PLCG1: variants seen among roughly 807,000 people sequenced by gnomAD.
The protein encoded by PLCG1 is 1-phosphatidylinositol 4,5-bisphosphate phosphodiesterase gamma-1.
PLCG1 carries 71 observed loss-of-function variants against 177.8 expected under a neutral mutation model. That is an observed-to-expected ratio of 0.40 (90% CI 0.33 to 0.49). The LOEUF (loss-of-function observed/expected upper bound fraction) is 0.49, where lower values mean the gene tolerates loss of function less well. PLCG1 is among the 20% of genes least tolerant of loss of function. The pLI is 0.72. For missense variants in PLCG1, 1,281 were observed against 1,709.0 expected, an observed-to-expected ratio of 0.75 and a Z score of 4.42; for synonymous variants, 658 against 647.9, an observed-to-expected ratio of 1.02 and a Z score of -0.24.
At position 41,164,516 on chromosome 20, in the gene PLCG1, C is replaced by T. The variant is rs776458057; in HGVS notation, c.1217+315C>T. On this transcript the variant is annotated intron_variant, in intron 12 of 31. Transcript: ENST00000685551. The surrounding 1 kb of genome is among the most constrained non-coding windows in gnomAD (Gnocchi z 6.4). The stretch of plus-strand genomic sequence containing the variant: ...GCCAGTGTCCTGCCAACTCCTTTGC[C>T]CTCACAGCCCAGAAGATTGTCTCTG... 1.3e-5 allele frequency among the ~76,000 whole-genome samples: 2 copies of T among 152,088 alleles called. No homozygotes were observed. The highest frequency in any genetic ancestry group is 2.4e-5 in the African/African-American group (1 of 41,396).
At chr20:41,142,137 A>C (rs182383224) in intron 1 of PLCG1, among the ~76,000 whole-genome samples, 2 of 152,378 alleles carry the variant, frequency 1.3e-5, no homozygotes, top group African/African-American at 4.8e-5. Context: ...ACATACCATA[A>C]TATAAAGGCC....
chr20:41,167,918 C>T lies in PLCG1; in HGVS notation c.2368C>T (p.Pro790Ser). The T allele has an allele frequency of 6.2e-7, 1 of 1,612,708 alleles. No homozygotes were observed. Among genetic ancestry groups the T allele is most frequent in the Non-Finnish European group, 8.5e-7 (1 of 1,178,862 alleles). The part of the protein sequence containing the change: ...PGFYVEANPM[P>S]TFKCAVKALF... ...CTTCTATGTAGAGGCAAACCCTATG[C>T]CAACTTTCAAGGTACAGCTCAGGCC... The change falls in exon 20 of 32, where the codon CCA becomes TCA. Residue 790 changes from proline (P) to serine (S), a missense_variant. Pro to Ser is a moderately conservative substitution (Grantham distance 74). This residue lies in a region of PLCG1 where 723 missense variants were observed against 1,030.0 expected (regional missense o/e 0.70). Coordinates refer to ENST00000685551, the MANE Select transcript of PLCG1 (RefSeq NM_002660.3). The surrounding 1 kb of genome is among the most constrained non-coding windows in gnomAD (Gnocchi z 4.4).
Position 41,166,880 on chromosome 20 carries a change from G to T in PLCG1, c.2301+21G>T, listed in dbSNP as rs373581988. 13 of 1,609,682 alleles carry T rather than the reference G, an allele frequency of 8.1e-6. No homozygotes were observed. The highest frequency in any genetic ancestry group is 1.1e-5 in the Non-Finnish European group (13 of 1,176,208). ...CAGCTGTGAGGGGGCTGTGGTAGAC[G>T]GGGCATGGCAGGGGAGGCAGGAGAG... On this transcript the variant is annotated intron_variant, in intron 19 of 31. Transcript: ENST00000685551. This position sits in a 1 kb window ranked among gnomAD's most constrained non-coding sequence, Gnocchi z 8.6.
At chr20:41,145,557 C>T (rs1041207707) in intron 1 of PLCG1, among the ~76,000 whole-genome samples, 3 of 152,202 alleles carry the variant, frequency 2.0e-5, no homozygotes, top group African/African-American at 7.2e-5. Context: ...ACAGTATCCT[C>T]CTGCTGCCCA....
rs1057269863 is a variant in PLCG1, at chr20:41,167,459, G to A, written c.2302-393G>A. Among the ~76,000 whole-genome samples, 6 of 152,100 alleles carry A rather than the reference G, an allele frequency of 3.9e-5. No homozygotes were observed. Among genetic ancestry groups the A allele is most frequent in the Admixed American group, 6.5e-5 (1 of 15,280 alleles). On this transcript the variant is annotated intron_variant, in intron 19 of 31. Transcript: ENST00000685551. The surrounding 1 kb of genome is among the most constrained non-coding windows in gnomAD (Gnocchi z 4.4). ...TGGGACTCAAGTGATGGAGAGGAGC[G>A]GCAGGAGGAATGTGGGGAGTGGGAA... is the stretch of plus-strand genomic sequence containing the variant.
intron 24 of PLCG1, among the ~76,000 whole-genome samples, chr20:41,171,586 CAAAAAAA>C (rs71844995): frequency 8.7e-4 from 56 of 64,096 alleles, no homozygotes; most frequent in Non-Finnish European, 1.4e-3. Context: ...GACTCTGTCT[CAAAAAAA>C]AAAAAAAAAA....
intron 1 of PLCG1, among the ~76,000 whole-genome samples, chr20:41,140,190 T>G (rs1764926421): frequency 6.6e-6 from 1 of 152,140 alleles, no homozygotes; most frequent in Non-Finnish European, 1.5e-5. Flanking sequence ...AGGCAGAGGA[T>G]GTAGGAGGAC....
chr20:41,148,199 A>G lies in PLCG1; in HGVS notation c.217+10341A>G, dbSNP rs1298746450. On this transcript the variant is annotated intron_variant, in intron 1 of 31. Transcript: ENST00000685551. The surrounding 1 kb of genome is among the most constrained non-coding windows in gnomAD (Gnocchi z 4.3). ...TGTTGGAGGCTTAAGGACTAAACCA[A>G]CATTTACTGTCCAAGAGGTGGCAGT... 6.6e-6 allele frequency among the ~76,000 whole-genome samples: 1 copy of G among 152,204 alleles called. No homozygotes were observed. The highest frequency in any genetic ancestry group is 1.5e-5 in the Non-Finnish European group (1 of 68,034).
intron 1 of PLCG1, among the ~76,000 whole-genome samples, chr20:41,155,384 C>T (rs1344455051): frequency 4.6e-5 from 7 of 152,198 alleles, no homozygotes; most frequent in Non-Finnish European, 1.0e-4. Context: ...TTACGATGAA[C>T]CAGAGAGGAC....
At position 41,172,999 on chromosome 20, in the gene PLCG1, C is replaced by T; in HGVS notation, c.3279+122C>T. 2 of 1,005,032 alleles carry T rather than the reference C, an allele frequency of 2.0e-6. No homozygotes were observed. Among genetic ancestry groups the T allele is most frequent in the Non-Finnish European group, 2.9e-6 (2 of 688,986 alleles). The allele number at this position is 1,005,032 out of a possible 1,614,324, so 62.3% of individuals were successfully genotyped here. ...ATCAAGGTGGTCAGGGTGGGTGGGG[C>T]CTGAGCTGAGTCTTTGAAGGGGTGA... is the stretch of plus-strand genomic sequence containing the variant. On this transcript the variant is annotated intron_variant, in intron 27 of 31. Transcript: ENST00000685551. This position sits in a 1 kb window ranked among gnomAD's most constrained non-coding sequence, Gnocchi z 7.0.
At chr20:41,155,032 C>G (rs1263519154) in intron 1 of PLCG1, among the ~76,000 whole-genome samples, 1 of 152,232 alleles carries the variant, frequency 6.6e-6, no homozygotes, top group Non-Finnish European at 1.5e-5. Context: ...TCTCTAATCT[C>G]TGTGGTCTCA....
intron 1 of PLCG1, among the ~76,000 whole-genome samples, chr20:41,149,003 T>C (rs2035082096): frequency 6.6e-6 from 1 of 152,230 alleles, no homozygotes; most frequent in Non-Finnish European, 1.5e-5. Flanking sequence ...TAGTGTTATT[T>C]GCAAGTATAA....
rs900392645 is a variant in PLCG1 at position 41,166,125 on chromosome 20, G to T, written c.1800-69G>T. 6 of 1,355,260 alleles carry T rather than the reference G, an allele frequency of 4.4e-6. No homozygotes were observed. Among genetic ancestry groups the T allele is most frequent in the Non-Finnish European group, 4.2e-6 (4 of 961,066 alleles). The allele number at this position is 1,355,260 out of a possible 1,614,324, so 84.0% of individuals were successfully genotyped here. A position where few individuals can be genotyped will look rare whatever the true frequency, so the allele number is the denominator to read the frequency against. On this transcript the variant is annotated intron_variant, in intron 16 of 31. Transcript: ENST00000685551. The surrounding 1 kb of genome is among the most constrained non-coding windows in gnomAD (Gnocchi z 8.6). ...CCCTCCTTGAGTTCCACCCTCATTT[G>T]GGGTGGAACTTGGTCTTTGGGGCCC...
intron 1 of PLCG1, among the ~76,000 whole-genome samples, chr20:41,139,233 C>T (rs957800966): frequency 3.9e-5 from 6 of 152,182 alleles, no homozygotes; most frequent in African/African-American, 1.2e-4. Context: ...CCCCACTGAC[C>T]CTGTCAGCCA....
rs1600667600 is a variant in PLCG1, at chr20:41,167,021, T to G, written c.2301+162T>G. ...AGCCACAGTGTGGGTACCAGGAGGG[T>G]GTCTGCAGGAGGGGACATCTGAGCA... On this transcript the variant is annotated intron_variant, in intron 19 of 31. Coordinates refer to ENST00000685551, the MANE Select transcript of PLCG1 (RefSeq NM_002660.3). The surrounding 1 kb of genome is among the most constrained non-coding windows in gnomAD (Gnocchi z 4.4). 1.5e-6 allele frequency: 1 copy of G among 662,062 alleles called. No homozygotes were observed. The highest frequency in any genetic ancestry group is 2.7e-6 in the Non-Finnish European group (1 of 375,654). 41.0% of individuals were successfully genotyped at this position (662,062 alleles called of 1,614,324 possible). A position where few individuals can be genotyped will look rare whatever the true frequency, so the allele number is the denominator to read the frequency against.
Position 41,167,639 on chromosome 20 carries a change from G to C in PLCG1, c.2302-213G>C. 5.2e-6 allele frequency: 3 copies of C among 576,802 alleles called. No individual in the cohort carries two copies. Among genetic ancestry groups the C allele is most frequent in the Non-Finnish European group, 9.3e-6 (3 of 323,458 alleles). The allele number at this position is 576,802 out of a possible 1,614,324, so 35.7% of individuals were successfully genotyped here. A position where few individuals can be genotyped will look rare whatever the true frequency, so the allele number is the denominator to read the frequency against. Reference sequence around the variant, plus strand: ...CTGAGAGATTTTAGAATCCTGGGCTGGGCCTTACATGTAAGAATGTGAAGA... The same window carrying C: ...CTGAGAGATTTTAGAATCCTGGGCTCGGCCTTACATGTAAGAATGTGAAGA... On this transcript the variant is annotated intron_variant, in intron 19 of 31. Transcript: ENST00000685551. The surrounding 1 kb of genome is among the most constrained non-coding windows in gnomAD (Gnocchi z 4.4).
At position 41,163,927 on chromosome 20, in the gene PLCG1, G is replaced by A; in HGVS notation, c.1017G>A (p.Leu339=). Residue 339 remains leucine (L), a synonymous_variant, in exon 11 of 32, where the codon CTG becomes CTA. Transcript: ENST00000685551. The surrounding 1 kb of genome is among the most constrained non-coding windows in gnomAD (Gnocchi z 5.2). ...CCTCTCCTTGCCTATCCAGGTACCT[G>A]ACCGGGGACCAGTTCTCCAGTGAGT... is the stretch of plus-strand genomic sequence containing the variant. ...YWISSSHNTY[L]TGDQFSSESS... 6.2e-7 allele frequency: 1 copy of A among 1,614,088 alleles called. No homozygotes were observed. Among genetic ancestry groups the A allele is most frequent in the African/African-American group, 1.3e-5 (1 of 75,048 alleles).
Position 41,174,591 on chromosome 20 carries a change from C to G in PLCG1, c.*82C>G. ...GAACTGGGTTCTTTGGAAGCAGCCC[C>G]CTGTGGCGGCCTTCCGGGTCTCGCA... On this transcript the variant is annotated 3_prime_UTR_variant, in exon 32 of 32. Transcript: ENST00000685551. The surrounding 1 kb of genome is among the most constrained non-coding windows in gnomAD (Gnocchi z 5.8). 1 of 1,238,288 alleles carries G rather than the reference C, an allele frequency of 8.1e-7. No individual in the cohort carries two copies. The highest frequency in any genetic ancestry group is 1.2e-6 in the Non-Finnish European group (1 of 862,730). The allele number at this position is 1,238,288 out of a possible 1,614,324, so 76.7% of individuals were successfully genotyped here.
intron 1 of PLCG1, among the ~76,000 whole-genome samples, chr20:41,141,373 T>G (rs2034819666): frequency 6.6e-6 from 1 of 152,230 alleles, no homozygotes. Flanking sequence ...GTACCTTTGA[T>G]GAAGAGGGTG....
Sources: allele counts gnomAD v4.1 joint callset (sites outside exome capture counted in the v4.1 genomes callset), GRCh38; gene constraint gnomAD v4.1.1; regional missense constraint gnomAD v4.1.1; non-coding constraint Gnocchi (gnomAD v3.1); transcripts MANE v1.5; gene names NCBI Gene and HGNC (gene_info 2026-07-23, HGNC 2026-07-21).